IMPG1: variants seen among roughly 807,000 people sequenced by gnomAD.
IMPG1 encodes interphotoreceptor matrix proteoglycan 1, also known as interphotoreceptor matrix proteoglycan of 150 kDa.
IMPG1 carries 85 observed loss-of-function variants against 92.0 expected under a neutral mutation model. That is an observed-to-expected ratio of 0.92 (90% CI 0.78 to 1.11). IMPG1 has a LOEUF of 1.11. IMPG1 is among the 50% of genes least tolerant of loss of function. The pLI, the probability that IMPG1 is intolerant of heterozygous loss-of-function variation, is 0.00. For missense variants in IMPG1, 1,022 were observed against 956.0 expected (o/e 1.07, Z -0.91); for synonymous variants, 367 against 334.1 (o/e 1.10, Z -1.08).
rs193185690 is a variant in IMPG1 at position 76,017,309 on chromosome 6, A to G, written c.807+1409T>C. Among the ~76,000 whole-genome samples the G allele has an allele frequency of 1.5e-3, 228 of 152,258 alleles. 2 individuals are homozygous for G. In the Middle Eastern group the frequency reaches 0.02, roughly 14 times the overall value. The stretch of plus-strand genomic sequence containing the variant: ...GAGATTTGAATTTAATTAGAGACAG[A>G]CAGATATAACAAAGGTCAGAGATGG... On this transcript the variant is annotated intron_variant, in intron 7 of 16. Coordinates refer to ENST00000369950, the MANE Select transcript of IMPG1 (RefSeq NM_001563.4).
intron 7 of IMPG1, among the ~76,000 whole-genome samples, chr6:76,014,122 T>C (rs1430803281): frequency 1.3e-5 from 2 of 152,170 alleles, no homozygotes; most frequent in Admixed American, 6.5e-5. Flanking sequence ...CTTGGTCTCC[T>C]TACCCAAAAA....
At chr6:75,999,673 C>T (rs1055879099) in intron 12 of IMPG1, among the ~76,000 whole-genome samples, 5 of 152,288 alleles carry the variant, frequency 3.3e-5, no homozygotes, top group African/African-American at 1.2e-4. Context: ...CATTTCTACT[C>T]CCATTTGGGC....
At chr6:76,045,114 C>G (rs1582127171) in intron 1 of IMPG1, among the ~76,000 whole-genome samples, 3 of 152,276 alleles carry the variant, frequency 2.0e-5, no homozygotes, top group Non-Finnish European at 4.4e-5. Context: ...CAGTTTATAG[C>G]TGTTATTCTT....
intron 1 of IMPG1, among the ~76,000 whole-genome samples, chr6:76,052,386 C>A (rs562699212): frequency 6.6e-6 from 1 of 152,268 alleles, no homozygotes; most frequent in East Asian, 1.9e-4. Context: ...AAACACATTG[C>A]AAGAAAAGAT....
intron 6 of IMPG1, among the ~76,000 whole-genome samples, chr6:76,019,698 A>G (rs941390959): frequency 6.6e-6 from 1 of 152,218 alleles, no homozygotes; most frequent in African/African-American, 2.4e-5. Flanking sequence ...AAAAACACAC[A>G]TTGAGCATCT....
chr6:76,018,047 C>G (rs1334924491), intron 7 of IMPG1, among the ~76,000 whole-genome samples: 2 of 152,156 alleles, frequency 1.3e-5, no homozygotes, highest in Admixed American at 1.3e-4. Flanking sequence ...TTGGCAAAAC[C>G]TACTAATTTT....
At chr6:76,045,248 A>T (rs1783917247) in intron 1 of IMPG1, among the ~76,000 whole-genome samples, 1 of 152,166 alleles carries the variant, frequency 6.6e-6, no homozygotes, top group Non-Finnish European at 1.5e-5. Context: ...TCTAGGATGT[A>T]CCATGTTCCA....
chr6:76,003,279 A>G (rs1369731061), intron 11 of IMPG1, among the ~76,000 whole-genome samples: 1 of 152,210 alleles, frequency 6.6e-6, no homozygotes, highest in East Asian at 1.9e-4. Flanking sequence ...CAATCATGTT[A>G]TGAATTATTT....
At chr6:76,069,196 A>G (rs532397585) in intron 1 of IMPG1, among the ~76,000 whole-genome samples, 1 of 152,124 alleles carries the variant, frequency 6.6e-6, no homozygotes, top group Non-Finnish European at 1.5e-5. Context: ...CTGGACCAAT[A>G]TCCCTCACTG....
intron 14 of IMPG1, among the ~76,000 whole-genome samples, 182 bp from the exon 15 acceptor site, chr6:75,931,333 A>G (rs1781666336): frequency 6.6e-6 from 1 of 152,238 alleles, no homozygotes; most frequent in Admixed American, 6.5e-5. Context: ...ATGAATTTAC[A>G]GACACAAGTG....
intron 15 of IMPG1, among the ~76,000 whole-genome samples, chr6:75,929,797 T>A (rs1462258900): frequency 2.0e-5 from 3 of 152,264 alleles, no homozygotes; most frequent in Non-Finnish European, 2.9e-5. Flanking sequence ...CATTTAGGCC[T>A]TTGATCTATT....
intron 12 of IMPG1, among the ~76,000 whole-genome samples, chr6:75,953,288 T>C (rs906442418): frequency 2.6e-5 from 4 of 152,240 alleles, no homozygotes; most frequent in African/African-American, 9.6e-5. Context: ...AATTTTATAC[T>C]TTAAGTTCGA....
At chr6:75,984,779 C>G (rs1782687049) in intron 12 of IMPG1, among the ~76,000 whole-genome samples, 2 of 152,154 alleles carry the variant, frequency 1.3e-5, no homozygotes, top group Admixed American at 6.5e-5. Context: ...ATCCCCTTGG[C>G]TAGGATTGAG....
At chr6:75,938,531 G>A (rs538149428) in intron 14 of IMPG1, among the ~76,000 whole-genome samples, 1 of 152,270 alleles carries the variant, frequency 6.6e-6, no homozygotes, top group African/African-American at 2.4e-5. Context: ...TACTATTCTG[G>A]GCCAGATGTG....
At chr6:75,998,823 G>A (rs918460097) in intron 12 of IMPG1, among the ~76,000 whole-genome samples, 2 of 152,158 alleles carry the variant, frequency 1.3e-5, no homozygotes, top group South Asian at 4.1e-4. Context: ...AGAATATCAA[G>A]TTTCTCCTAT....
At chr6:76,029,899 GCT>G (rs1783624804) in intron 4 of IMPG1, among the ~76,000 whole-genome samples, 1 of 151,924 alleles carries the variant, frequency 6.6e-6, no homozygotes, top group Non-Finnish European at 1.5e-5. Context: ...TTAGCATTTG[GCT>G]TTTGATAAGG....
intron 2 of IMPG1, among the ~76,000 whole-genome samples, chr6:76,037,777 C>T (rs1040510167): frequency 5.3e-5 from 8 of 152,182 alleles, no homozygotes; most frequent in African/African-American, 1.9e-4. Context: ...AATAAACTAG[C>T]ACTGTCTTTG....
At chr6:76,067,176 A>G (rs1439504874) in intron 1 of IMPG1, among the ~76,000 whole-genome samples, 3 of 152,060 alleles carry the variant, frequency 2.0e-5, no homozygotes, top group Non-Finnish European at 4.4e-5. Context: ...AAGTAAATAA[A>G]TAACAAACAT....
chr6:76,043,714 G>C (rs1783885610), intron 1 of IMPG1, among the ~76,000 whole-genome samples: 1 of 152,150 alleles, frequency 6.6e-6, no homozygotes, highest in Non-Finnish European at 1.5e-5. Flanking sequence ...AATCAAGATG[G>C]GTGCATCTCA....
Sources: gnomAD v4.1 joint callset for allele counts (sites outside exome capture counted in the v4.1 genomes callset) on GRCh38, gnomAD v4.1.1 for gene constraint, MANE v1.5 for transcripts, NCBI Gene and HGNC (gene_info 2026-07-23, HGNC 2026-07-21) for gene names.